Variants in PCDHGA2 observed in about 807,000 individuals in gnomAD.
PCDHGA2 encodes the protein protocadherin gamma subfamily A, 2.
PCDHGA2 carries 40 observed loss-of-function variants against 59.2 expected under a neutral mutation model. The ratio of observed to expected loss-of-function variants is 0.68; its 90% CI spans 0.52 to 0.88. The LOEUF (loss-of-function observed/expected upper bound fraction) is 0.88. PCDHGA2 is among the 40% of genes least tolerant of loss of function. PCDHGA2 has a pLI of 0.00. For missense variants in PCDHGA2, 1,226 were observed against 1,204.0 expected (o/e 1.02, Z -0.27); for synonymous variants, 560 against 526.0 (o/e 1.06, Z -0.89).
At position 141,387,650 on chromosome 5, in the gene PCDHGA2, G is replaced by C. The variant is rs116225244; in HGVS notation, c.2424+46255G>C. 2,320 of 639,876 alleles carry C rather than the reference G, an allele frequency of 3.6e-3. 38 individuals are homozygous for C. The highest frequency in any genetic ancestry group is 0.034 in the African/African-American group (1,854 of 54,556). 39.6% of individuals were successfully genotyped at this position (639,876 alleles called of 1,614,324 possible). A position where few individuals can be genotyped will look rare whatever the true frequency, so the allele number is the denominator to read the frequency against. Reference sequence around the variant, plus strand: ...CTGGGCGCCGCTGTTGGCCAAAGTGGAGAGCTTGGCGCTCCAGATCTCCTC... The same window carrying C: ...CTGGGCGCCGCTGTTGGCCAAAGTGCAGAGCTTGGCGCTCCAGATCTCCTC... On this transcript the variant is annotated intron_variant, in intron 1 of 3. Coordinates refer to ENST00000394576, the MANE Select transcript of PCDHGA2 (RefSeq NM_018915.4).
chr5:141,464,676 T>C (rs1337677151), intron 1 of PCDHGA2, among the ~76,000 whole-genome samples: 3 of 152,176 alleles, frequency 2.0e-5, no homozygotes, highest in Non-Finnish European at 2.9e-5. Context: ...ATAATTTTAA[T>C]TAAAATTTCT....
chr5:141,366,196 C>T, intron 1 of PCDHGA2: 5 of 1,613,898 alleles, frequency 3.1e-6, no homozygotes, highest in Non-Finnish European at 4.2e-6. Context: ...TTGGGCTGCA[C>T]ACGGGCGAGG....
Position 141,431,975 on chromosome 5 carries a change from A to G in PCDHGA2, c.2425-62832A>G. 1 of 1,614,218 alleles carries G rather than the reference A, an allele frequency of 6.2e-7. No individual in the cohort carries two copies. Among genetic ancestry groups the G allele is most frequent in the Non-Finnish European group, 8.5e-7 (1 of 1,180,022 alleles). ...TTACGGAAATTACTATAGTTTAGTC[A>G]CAGACATAGTCTTGGATAGGGAACA... On this transcript the variant is annotated intron_variant, in intron 1 of 3. Transcript: ENST00000394576. The surrounding 1 kb of genome is among the most constrained non-coding windows in gnomAD (Gnocchi z 4.8).
chr5:141,458,873 C>T (rs1278498446), intron 1 of PCDHGA2, among the ~76,000 whole-genome samples: 2 of 152,148 alleles, frequency 1.3e-5, no homozygotes, highest in African/African-American at 4.8e-5. Context: ...GCTGGGACTA[C>T]AGGCATGCAC....
At chr5:141,352,818 G>C in intron 1 of PCDHGA2, 3 of 812,672 alleles carry the variant, frequency 3.7e-6, no homozygotes, top group South Asian at 3.7e-5. Flanking sequence ...GGTAAAACCC[G>C]GTCTACTAAA....
At chr5:141,445,178 A>G (rs768321514) in intron 1 of PCDHGA2, among the ~76,000 whole-genome samples, 2 of 152,218 alleles carry the variant, frequency 1.3e-5, no homozygotes, top group Admixed American at 1.3e-4. Context: ...ATGAAAAACT[A>G]TGTTTTTATG....
Position 141,489,267 on chromosome 5 carries a change from C to G in PCDHGA2, c.2425-5540C>G. 6.4e-7 allele frequency: 1 copy of G among 1,553,302 alleles called. No homozygotes were observed. Among genetic ancestry groups the G allele is most frequent in the Non-Finnish European group, 8.7e-7 (1 of 1,149,864 alleles). The stretch of plus-strand genomic sequence containing the variant: ...TGGGGCCCAAGACACTCCCACAGCT[C>G]GCTGGGAAATGGCAAGTGCTGTGCA... On this transcript the variant is annotated intron_variant, in intron 1 of 3. Coordinates refer to ENST00000394576, the MANE Select transcript of PCDHGA2 (RefSeq NM_018915.4). The surrounding 1 kb of genome is among the most constrained non-coding windows in gnomAD (Gnocchi z 4.5).
At position 141,372,595 on chromosome 5, in the gene PCDHGA2, A is replaced by G; in HGVS notation, c.2424+31200A>G. The G allele has an allele frequency of 6.2e-7, 1 of 1,614,012 alleles. No individual in the cohort carries two copies. Among genetic ancestry groups the G allele is most frequent in the Non-Finnish European group, 8.5e-7 (1 of 1,179,882 alleles). On this transcript the variant is annotated intron_variant, in intron 1 of 3. Coordinates refer to ENST00000394576, the MANE Select transcript of PCDHGA2 (RefSeq NM_018915.4). ...TACTTTCAGCCTGGTGTCTGCTTCA[A>G]GACTGTACCTGGAGTTCTCCCCACC... is the stretch of plus-strand genomic sequence containing the variant.
intron 1 of PCDHGA2, chr5:141,382,891 A>C (rs1428861059): frequency 6.5e-7 from 1 of 1,533,794 alleles, no homozygotes; most frequent in Non-Finnish European, 8.8e-7. Flanking sequence ...CAAGAGAAGC[A>C]GGACGACTAT....
At chr5:141,422,002 G>A (rs754599902) in intron 1 of PCDHGA2, 41 of 1,609,306 alleles carry the variant, frequency 2.5e-5, no homozygotes, top group Non-Finnish European at 3.1e-5. Flanking sequence ...CATCAGCTCC[G>A]GAACTCGGGT....
rs1285420674 is a variant in PCDHGA2 at position 141,409,726 on chromosome 5, C to G, written c.2424+68331C>G. The G allele has an allele frequency of 1.9e-6, 3 of 1,612,982 alleles. No homozygotes were observed. The Admixed American group carries it at 5.0e-5, about 27-fold the overall frequency. On this transcript the variant is annotated intron_variant, in intron 1 of 3. Transcript: ENST00000394576. ...CGGTGTCGTCATACGTGTCAGTGAG[C>G]GCGCAGAGCGGGGTGGTGTTCGCGC...
chr5:141,371,352 G>C lies in PCDHGA2; in HGVS notation c.2424+29957G>C, dbSNP rs1005607515. ...GAGAGATAGCTACACAATTGGGGTG[G>C]AAGCAAAGGATGGTGGACATCACAC... On this transcript the variant is annotated intron_variant, in intron 1 of 3. Coordinates refer to ENST00000394576, the MANE Select transcript of PCDHGA2 (RefSeq NM_018915.4). 1.9e-6 allele frequency: 3 copies of C among 1,613,840 alleles called. No individual in the cohort carries two copies. In the African/African-American group the frequency reaches 4.0e-5, roughly 22 times the overall value.
chr5:141,355,405 A>C (rs759129732), intron 1 of PCDHGA2: 1 of 1,614,100 alleles, frequency 6.2e-7, no homozygotes, highest in Non-Finnish European at 8.5e-7. Flanking sequence ...CATCGTCTCC[A>C]GAGGTAGGAC....
At chr5:141,479,964 A>G (rs188553800) in intron 1 of PCDHGA2, among the ~76,000 whole-genome samples, 1 of 152,330 alleles carries the variant, frequency 6.6e-6, no homozygotes, top group East Asian at 1.9e-4. Context: ...AGTTAGTCAA[A>G]TGAGGTTCTA....
chr5:141,372,926 G>C, intron 1 of PCDHGA2: 3 of 943,814 alleles, frequency 3.2e-6, no homozygotes, highest in Non-Finnish European at 4.6e-6. Context: ...TTGATTTTCT[G>C]GTGTAGAGTA....
At chr5:141,416,132 A>C in intron 1 of PCDHGA2, 1 of 154,082 alleles carries the variant, frequency 6.5e-6, no homozygotes, top group Non-Finnish European at 1.4e-5. Context: ...ATATTTTTCA[A>C]TCTATACTTT....
chr5:141,431,498 T>C lies in PCDHGA2; in HGVS notation c.2425-63309T>C, dbSNP rs1274311782. On this transcript the variant is annotated intron_variant, in intron 1 of 3. Coordinates refer to ENST00000394576, the MANE Select transcript of PCDHGA2 (RefSeq NM_018915.4). The surrounding 1 kb of genome is among the most constrained non-coding windows in gnomAD (Gnocchi z 4.8). ...CGCACCAGCGTTTGCTCAGCCCGAG[T>C]ACCGCGCGAGCGTTCCGGAGAATCT... The C allele has an allele frequency of 6.2e-7, 1 of 1,613,992 alleles. No homozygotes were observed. Among genetic ancestry groups the C allele is most frequent in the Non-Finnish European group, 8.5e-7 (1 of 1,180,034 alleles).
intron 1 of PCDHGA2, chr5:141,346,340 T>C (rs776812616): frequency 1.2e-6 from 2 of 1,614,128 alleles, no homozygotes; most frequent in Non-Finnish European, 1.7e-6. Flanking sequence ...GCCACCTGAT[T>C]TTCCCCCAGC....
At chr5:141,381,820 C>CT (rs1279410534) in intron 1 of PCDHGA2, among the ~76,000 whole-genome samples, 1,304 of 119,684 alleles carry the variant, frequency 0.011, 14 homozygotes, top group African/African-American at 0.028. Context: ...TTCTTTCTTT[C>CT]TTCTTCTTTT....
Sources: gnomAD v4.1 joint callset for allele counts (sites outside exome capture counted in the v4.1 genomes callset) on GRCh38, gnomAD v4.1.1 for gene constraint, Gnocchi (gnomAD v3.1) non-coding constraint, MANE v1.5 for transcripts, NCBI Gene and HGNC (gene_info 2026-07-23, HGNC 2026-07-21) for gene names.